Variants in RANBP2 observed in about 807,000 individuals in gnomAD.
RANBP2 encodes the protein E3 SUMO-protein ligase RanBP2.
A neutral mutation model predicts 303.6 loss-of-function variants in RANBP2; 57 were observed. The ratio of observed to expected loss-of-function variants is 0.19; its 90% confidence interval spans 0.15 to 0.23. The LOEUF (loss-of-function observed/expected upper bound fraction) is 0.23, where lower values mean the gene tolerates loss of function less well. RANBP2 is among the 10% of genes least tolerant of loss of function. The pLI is 1.00. For synonymous variants in RANBP2, 1,167 were observed against 1,301.5 expected, an observed-to-expected ratio of 0.90 and a Z score of 2.23; for missense variants, 3,138 against 3,780.8, an observed-to-expected ratio of 0.83 and a Z score of 4.46.
chr2:109,490,390 G>A, the RANBP2 span, among the ~76,000 whole-genome samples: 1 of 152,138 alleles, frequency 6.6e-6, no homozygotes, highest in African/African-American at 2.4e-5. Context: ...GGCCCTCACT[G>A]GTTCACCCGT....
At chr2:109,615,629 G>C in the RANBP2 span, 46 of 1,613,796 alleles carry the variant, frequency 2.9e-5, no homozygotes, top group South Asian at 4.9e-4. Context: ...AGGCCTCCCA[G>C]TACCTGAGTC....
At chr2:109,562,245 T>A in the RANBP2 span, among the ~76,000 whole-genome samples, 4 of 151,424 alleles carry the variant, frequency 2.6e-5, no homozygotes, top group African/African-American at 4.9e-5. Flanking sequence ...AAATTAAATT[T>A]AAAAAAATAC....
At chr2:108,811,987 G>T in the RANBP2 span, among the ~76,000 whole-genome samples, 1 of 151,918 alleles carries the variant, frequency 6.6e-6, no homozygotes, top group Non-Finnish European at 1.5e-5. Flanking sequence ...TCTATTCATG[G>T]TGTATATATA....
the RANBP2 span, among the ~76,000 whole-genome samples, chr2:108,793,718 T>A: frequency 4.6e-5 from 7 of 151,740 alleles, no homozygotes; most frequent in Non-Finnish European, 1.0e-4. Context: ...TGCCTCAGCC[T>A]CCCGAGTAGC....
At chr2:109,559,611 C>G in the RANBP2 span, among the ~76,000 whole-genome samples, 2 of 152,174 alleles carry the variant, frequency 1.3e-5, no homozygotes, top group African/African-American at 4.8e-5. Context: ...CTCTTGGTAC[C>G]AGTATCCATT....
chr2:108,964,891 AACAGCACGTCTGG>A, the RANBP2 span, among the ~76,000 whole-genome samples: 2 of 152,208 alleles, frequency 1.3e-5, no homozygotes, highest in African/African-American at 4.8e-5. Context: ...CATACTTAAT[AACAGCACGTCTGG>A]AATAAGGAAC....
chr2:109,320,664 G>A, the RANBP2 span, among the ~76,000 whole-genome samples: 1 of 152,192 alleles, frequency 6.6e-6, no homozygotes, highest in Non-Finnish European at 1.5e-5. Context: ...ATGCACAACT[G>A]TTGTTCTTGT....
At chr2:109,540,947 T>G in the RANBP2 span, among the ~76,000 whole-genome samples, 1 of 152,348 alleles carries the variant, frequency 6.6e-6, no homozygotes, top group South Asian at 2.1e-4. Flanking sequence ...TTAAGGAAAC[T>G]TATCTAAAAA....
At chr2:108,726,326 C>T (rs1379437331) in intron 1 of RANBP2, among the ~76,000 whole-genome samples, 1 of 152,070 alleles carries the variant, frequency 6.6e-6, no homozygotes, top group African/African-American at 2.4e-5. Flanking sequence ...GTTCAAGTAA[C>T]CTTTATTTTA....
At chr2:109,395,392 C>A in the RANBP2 span, among the ~76,000 whole-genome samples, 1 of 152,328 alleles carries the variant, frequency 6.6e-6, no homozygotes, top group South Asian at 2.1e-4. Flanking sequence ...TACAGCCTAA[C>A]CCCTCCTCTT....
At chr2:109,282,053 G>A in the RANBP2 span, among the ~76,000 whole-genome samples, 1 of 152,088 alleles carries the variant, frequency 6.6e-6, no homozygotes, top group African/African-American at 2.4e-5. Context: ...AGGGGATGCT[G>A]GTGGGATATG....
At chr2:109,282,237 T>G in the RANBP2 span, among the ~76,000 whole-genome samples, 1 of 152,106 alleles carries the variant, frequency 6.6e-6, no homozygotes, top group Non-Finnish European at 1.5e-5. Context: ...CCTTTACACA[T>G]TAATGTAGGG....
chr2:108,796,301 G>A, the RANBP2 span, among the ~76,000 whole-genome samples: 2 of 151,852 alleles, frequency 1.3e-5, no homozygotes, highest in African/African-American at 2.4e-5. Context: ...TGATCCGCCC[G>A]CCTCTGCCTC....
At chr2:109,203,339 A>G in the RANBP2 span, among the ~76,000 whole-genome samples, 1 of 152,178 alleles carries the variant, frequency 6.6e-6, no homozygotes. Context: ...GATGCGGCGG[A>G]GCTTGCTAGT....
At chr2:109,614,186 G>A in the RANBP2 span, 2 of 1,145,314 alleles carry the variant, frequency 1.7e-6, no homozygotes, top group Non-Finnish European at 1.1e-6. Flanking sequence ...AGTGATTGCG[G>A]CCCTCGCGAG....
chr2:109,582,891 G>T, the RANBP2 span, among the ~76,000 whole-genome samples: 1 of 152,168 alleles, frequency 6.6e-6, no homozygotes, highest in East Asian at 1.9e-4. Flanking sequence ...ACAGGCATCT[G>T]ATCTTCAACA....
At chr2:109,363,121 T>C in the RANBP2 span, among the ~76,000 whole-genome samples, 3 of 152,160 alleles carry the variant, frequency 2.0e-5, no homozygotes, top group Admixed American at 2.0e-4. Flanking sequence ...TTGTTGCCCT[T>C]GTTTTTTGTT....
At chr2:109,411,478 C>T in the RANBP2 span, among the ~76,000 whole-genome samples, 1 of 152,182 alleles carries the variant, frequency 6.6e-6, no homozygotes, top group Non-Finnish European at 1.5e-5. Flanking sequence ...GACCCCTGAC[C>T]CCCTCCCACC....
the RANBP2 span, among the ~76,000 whole-genome samples, chr2:109,414,938 C>T: frequency 6.6e-5 from 10 of 152,296 alleles, no homozygotes; most frequent in East Asian, 1.9e-4. Context: ...ATGTGGCAAA[C>T]GGGAAAAGAC....
Sources: allele counts gnomAD v4.1 joint callset (sites outside exome capture counted in the v4.1 genomes callset), GRCh38; gene constraint gnomAD v4.1.1; transcripts MANE v1.5; gene names NCBI Gene and HGNC (gene_info 2026-07-23, HGNC 2026-07-21).